The following CLDN19 variants were observed in gnomAD, a reference collection of about 807,000 sequenced individuals.
The protein encoded by CLDN19 is claudin-19.
A neutral mutation model predicts 24.5 loss-of-function variants in CLDN19; 19 were observed. The observed-to-expected ratio is 0.78, with a 90% CI of 0.54 to 1.14. CLDN19 has a LOEUF of 1.14. Ranked by LOEUF, CLDN19 falls within the 50% of genes most tolerant of loss-of-function variation. The pLI is 0.00. For missense variants in CLDN19, 250 were observed against 295.9 expected, an observed-to-expected ratio of 0.84 and a Z score of 1.14; for synonymous variants, 117 against 129.6, an observed-to-expected ratio of 0.90 and a Z score of 0.66.
chr1:42,735,736 T>C lies in CLDN19; in HGVS notation c.626+142A>G. ...TCTCAGATTGCAGGGTGGGTGCTTGTGTTGAGGACAAGCTGCTCAGAGCAC... is the reference window on the plus strand; with the variant it reads ...TCTCAGATTGCAGGGTGGGTGCTTGCGTTGAGGACAAGCTGCTCAGAGCAC... On this transcript the variant is annotated intron_variant, in intron 4 of 4. Coordinates refer to ENST00000296387, the MANE Select transcript of CLDN19 (RefSeq NM_148960.3). 3 of 1,478,664 alleles carry C rather than the reference T, an allele frequency of 2.0e-6. No individual in the cohort carries two copies. In the African/African-American group the frequency reaches 4.2e-5, roughly 21 times the overall value. 91.6% of individuals were successfully genotyped at this position (1,478,664 alleles called of 1,614,324 possible). A position where few individuals can be genotyped will look rare whatever the true frequency, so the allele number is the denominator to read the frequency against.
chr1:42,736,495 C>A (rs1557550594), intron 3 of CLDN19, among the ~76,000 whole-genome samples: 1 of 152,062 alleles, frequency 6.6e-6, no homozygotes, highest in Non-Finnish European at 1.5e-5. Context: ...CACACCCAGA[C>A]CCTGCTGGCC....
chr1:42,734,769 CA>C lies in CLDN19; in HGVS notation c.*316del, dbSNP rs1387012858. On this transcript the variant is annotated 3_prime_UTR_variant, in exon 5 of 5. Coordinates refer to ENST00000296387, the MANE Select transcript of CLDN19 (RefSeq NM_148960.3). ...TCCAGGAGTGAGTGGGATCTCCTAT[CA>C]AGGAGGACTTTGTGCCAAGGCCAAG... The C allele has an allele frequency of 8.6e-6, 3 of 348,090 alleles. No homozygotes were observed. Among genetic ancestry groups the C allele is most frequent in the Non-Finnish European group, 1.6e-5 (3 of 185,784 alleles). 21.6% of individuals were successfully genotyped at this position (348,090 alleles called of 1,614,324 possible).
intron 1 of CLDN19, 80 bp downstream of exon 1, chr1:42,739,761 G>C (rs1651487899): frequency 8.4e-7 from 1 of 1,184,574 alleles, no homozygotes; most frequent in Non-Finnish European, 1.2e-6. Flanking sequence ...AGCGCAGATA[G>C]CAGACTGTGA....
chr1:42,738,301 A>G lies in CLDN19; in HGVS notation c.401T>C (p.Leu134Ser). ...ALFILAGLCT[L>S]TAVSWYATLV... ...GGTGGCATACCACGAGACAGCAGTCAAAGTGCAGAGGCCTAAAGACAAAGC... is the reference window on the plus strand; with the variant it reads ...GGTGGCATACCACGAGACAGCAGTCGAAGTGCAGAGGCCTAAAGACAAAGC... The change falls in exon 3 of 5, where the codon TTG (leucine) becomes TCG (serine). Residue 134 changes from leucine (L) to serine (S), a missense_variant. Leu to Ser is a moderately radical substitution (Grantham distance 145, BLOSUM62 -2). Transcript: ENST00000296387. 5.6e-6 allele frequency: 9 copies of G among 1,613,950 alleles called. No individual in the cohort carries two copies. The highest frequency in any genetic ancestry group is 7.6e-6 in the Non-Finnish European group (9 of 1,180,036).
Position 42,735,028 on chromosome 1 carries a change from A to T in CLDN19, c.*58T>A. 1 of 1,387,704 alleles carries T rather than the reference A, an allele frequency of 7.2e-7. No individual in the cohort carries two copies. The highest frequency in any genetic ancestry group is 1.2e-5 in the South Asian group (1 of 85,106). The allele number at this position is 1,387,704 out of a possible 1,614,324, so 86.0% of individuals were successfully genotyped here. On this transcript the variant is annotated 3_prime_UTR_variant, in exon 5 of 5. Transcript: ENST00000296387. ...GGATGTTCACTTCTCTTTCCAAAAAAATATGAAACACACAGTCTAGGTATG... is the reference window on the plus strand; with the variant it reads ...GGATGTTCACTTCTCTTTCCAAAAATATATGAAACACACAGTCTAGGTATG...
chr1:42,735,967 G>A lies in CLDN19; in HGVS notation c.537C>T (p.Gly179=), dbSNP rs749872474. 1.9e-6 allele frequency: 3 copies of A among 1,576,202 alleles called. No homozygotes were observed. Among genetic ancestry groups the A allele is most frequent in the Non-Finnish European group, 2.6e-6 (3 of 1,161,330 alleles). ...CCGGGCATGTGCAGCAGAGGAAGGAGCCGCCCAGCACGGCCAGGCCAGCTG... is the reference window on the plus strand; with the variant it reads ...CCGGGCATGTGCAGCAGAGGAAGGAACCGCCCAGCACGGCCAGGCCAGCTG... The part of the protein sequence containing the change: ...WASAGLAVLG[G]SFLCCTCPEP... Residue 179 remains glycine (G), a synonymous_variant, in exon 4 of 5, where the codon GGC becomes GGT. Transcript: ENST00000296387.
chr1:42,739,168 GCA>G (rs1651469663), intron 1 of CLDN19, among the ~76,000 whole-genome samples: 1 of 152,182 alleles, frequency 6.6e-6, no homozygotes, highest in Non-Finnish European at 1.5e-5. Context: ...GCCTGAACTG[GCA>G]CAATGGGGCT....
chr1:42,739,753 C>T (rs981588159), intron 1 of CLDN19, 88 bp downstream of exon 1: 25 of 1,097,194 alleles, frequency 2.3e-5, no homozygotes, highest in South Asian at 2.7e-5. Context: ...TGGAGCCCAG[C>T]GCAGATAGCA....
Position 42,737,776 on chromosome 1 carries a change from G to A in CLDN19, c.473+453C>T, listed in dbSNP as rs368027127. Among the ~76,000 whole-genome samples, 195 of 152,270 alleles carry A rather than the reference G, an allele frequency of 1.3e-3. 1 individual carries two copies. Among genetic ancestry groups the A allele is most frequent in the East Asian group, 4.6e-3 (24 of 5,176 alleles). On this transcript the variant is annotated intron_variant, in intron 3 of 4. Coordinates refer to ENST00000296387, the MANE Select transcript of CLDN19 (RefSeq NM_148960.3). ...CGGCTCATTGCAACTTTTGCCTCCC[G>A]GGTTCAAGCTATTCTCCTGCCTCTG...
intron 1 of CLDN19, among the ~76,000 whole-genome samples, chr1:42,739,042 C>T (rs1343438284): frequency 6.6e-6 from 1 of 152,168 alleles, no homozygotes; most frequent in Non-Finnish European, 1.5e-5. Context: ...TCCCCTCTGC[C>T]CATGGCAGCT....
chr1:42,735,325 C>T, intron 4 of CLDN19, 191 bp from the exon 5 acceptor site: 1 of 1,471,664 alleles, frequency 6.8e-7, no homozygotes, highest in South Asian at 1.4e-5. Flanking sequence ...TGTAGGTGGC[C>T]CCCAGCCCTG....
Position 42,740,163 on chromosome 1 carries a change from G to A in CLDN19, c.-100C>T, listed in dbSNP as rs1651505964. The A allele has an allele frequency of 4.6e-6, 4 of 877,740 alleles. No homozygotes were observed. The African/African-American group carries it at 6.6e-5, about 15-fold the overall frequency. The allele number at this position is 877,740 out of a possible 1,614,324, so 54.4% of individuals were successfully genotyped here. On this transcript the variant is annotated 5_prime_UTR_variant, in exon 1 of 5. Transcript: ENST00000296387. ...CAGGTGGGAGGAGCAGCTGGGCAGG[G>A]GGAGCAGCGAGAAGGAGGGTCAGAG...
intron 1 of CLDN19, 151 bp downstream of exon 1, chr1:42,739,690 C>A: frequency 1.4e-6 from 1 of 726,732 alleles, no homozygotes; most frequent in East Asian, 2.7e-5. Flanking sequence ...TGGCCTGGAC[C>A]GTCAATGGGC....
rs1469998876 is a variant in CLDN19, at chr1:42,740,021, G to A, written c.43C>T (p.Leu15=). ...GLQLLGYFLA[L]GGWVGIIAST... is the part of the protein sequence containing the mutation. ...GCAATGATGCCCACCCAGCCACCCAGGGCCAAGAAGTAGCCCAGGAGCTGG... is the reference window on the plus strand; with the variant it reads ...GCAATGATGCCCACCCAGCCACCCAAGGCCAAGAAGTAGCCCAGGAGCTGG... The change falls in exon 1 of 5, where the codon CTG becomes TTG. Residue 15 remains leucine (L), a synonymous_variant. Coordinates refer to ENST00000296387, the MANE Select transcript of CLDN19 (RefSeq NM_148960.3). 1 of 1,568,002 alleles carries A rather than the reference G, an allele frequency of 6.4e-7. No homozygotes were observed. Among genetic ancestry groups the A allele is most frequent in the South Asian group, 1.2e-5 (1 of 85,766 alleles).
Position 42,736,042 on chromosome 1 carries a change from A to G in CLDN19, c.474-12T>C. 6.5e-7 allele frequency: 1 copy of G among 1,547,872 alleles called. No homozygotes were observed. The highest frequency in any genetic ancestry group is 2.3e-4 in the Middle Eastern group (1 of 4,376). Reference sequence around the variant, plus strand: ...GGCCAAATTCATACCTGCAAGGGGTAGGGAGAGTGGCATCAGGTGTGGCTG... The same window carrying G: ...GGCCAAATTCATACCTGCAAGGGGTGGGGAGAGTGGCATCAGGTGTGGCTG... On this transcript the variant is annotated splice_polypyrimidine_tract_variant and intron_variant, in intron 3 of 4. Transcript: ENST00000296387.
intron 4 of CLDN19, chr1:42,735,447 G>T (rs937667307): frequency 6.4e-6 from 9 of 1,414,480 alleles, no homozygotes; most frequent in African/African-American, 1.4e-5. Context: ...CATGGGACTG[G>T]GGAGGGTGAA....
Position 42,740,136 on chromosome 1 carries a change from G to A in CLDN19, c.-73C>T. 8.4e-7 allele frequency: 1 copy of A among 1,185,584 alleles called. No individual in the cohort carries two copies. Among genetic ancestry groups the A allele is most frequent in the South Asian group, 1.3e-5 (1 of 76,704 alleles). The allele number at this position is 1,185,584 out of a possible 1,614,324, so 73.4% of individuals were successfully genotyped here. A position where few individuals can be genotyped will look rare whatever the true frequency, so the allele number is the denominator to read the frequency against. On this transcript the variant is annotated 5_prime_UTR_variant, in exon 1 of 5. Coordinates refer to ENST00000296387, the MANE Select transcript of CLDN19 (RefSeq NM_148960.3). Reference sequence around the variant, plus strand: ...GGTGCCAGCAGGGGCTTTGGTCATGGCCAGGTGGGAGGAGCAGCTGGGCAG... The same window carrying A: ...GGTGCCAGCAGGGGCTTTGGTCATGACCAGGTGGGAGGAGCAGCTGGGCAG...
chr1:42,734,999 G>A lies in CLDN19; in HGVS notation c.*87C>T. ...ACAGACCGAATGATACCATGATTGGGGCTGGATGTTCACTTCTCTTTCCAA... is the reference window on the plus strand; with the variant it reads ...ACAGACCGAATGATACCATGATTGGAGCTGGATGTTCACTTCTCTTTCCAA... On this transcript the variant is annotated 3_prime_UTR_variant, in exon 5 of 5. Coordinates refer to ENST00000296387, the MANE Select transcript of CLDN19 (RefSeq NM_148960.3). 9.3e-7 allele frequency: 1 copy of A among 1,074,216 alleles called. No homozygotes were observed. Among genetic ancestry groups the A allele is most frequent in the Non-Finnish European group, 1.4e-6 (1 of 704,200 alleles). 66.5% of individuals were successfully genotyped at this position (1,074,216 alleles called of 1,614,324 possible).
rs151036712 is a variant in CLDN19, at chr1:42,739,832, G to C, written c.223+9C>G. 5.3e-5 allele frequency: 86 copies of C among 1,611,634 alleles called. No individual in the cohort carries two copies. In the East Asian group the frequency reaches 1.6e-3, roughly 30 times the overall value. On this transcript the variant is annotated intron_variant, in intron 1 of 4. Coordinates refer to ENST00000296387, the MANE Select transcript of CLDN19 (RefSeq NM_148960.3). Reference sequence around the variant, plus strand: ...CTCCCATCTCCCACCCCGCCGGCCTGGGGCCTACCGTCCAGGGCGAGCAGC... The same window carrying C: ...CTCCCATCTCCCACCCCGCCGGCCTCGGGCCTACCGTCCAGGGCGAGCAGC...
Sources: gnomAD v4.1 joint callset for allele counts (sites outside exome capture counted in the v4.1 genomes callset) on GRCh38, gnomAD v4.1.1 for gene constraint, MANE v1.5 for transcripts, NCBI Gene and HGNC (gene_info 2026-07-23, HGNC 2026-07-21) for gene names.